The following COL4A6 variants were observed in gnomAD, a reference collection of about 807,000 sequenced individuals.
The protein encoded by COL4A6 is collagen type IV alpha 6 chain, also known as collagen alpha-6(IV) chain.
Under a neutral mutation model 126.7 loss-of-function variants are expected in COL4A6, and 59 were observed. The ratio of observed to expected loss-of-function variants is 0.47; its 90% CI spans 0.38 to 0.58. COL4A6 has a LOEUF of 0.58. Among genes scored for constraint, COL4A6 ranks in the 20% least tolerant of loss-of-function variants. The pLI is 0.00. For missense variants in COL4A6, 1,285 were observed against 1,337.3 expected, an observed-to-expected ratio of 0.96 and a Z score of 0.61; for synonymous variants, 547 against 496.6, an observed-to-expected ratio of 1.10 and a Z score of -1.35.
At chrX:108,339,567 CCT>C (rs1364784119) in intron 2 of COL4A6, among the ~76,000 whole-genome samples, 1 of 111,323 alleles carries the variant, frequency 9.0e-6, no homozygotes, top group Non-Finnish European at 1.9e-5. Flanking sequence ...TACAGATAAC[CCT>C]CTCTTAAACA....
At chrX:108,228,744 G>C (rs1334707283) in intron 3 of COL4A6, among the ~76,000 whole-genome samples, 1 of 112,137 alleles carries the variant, frequency 8.9e-6, no homozygotes, top group Non-Finnish European at 1.9e-5. Context: ...ACAGCATGGA[G>C]GTAACCAGCC....
intron 2 of COL4A6, among the ~76,000 whole-genome samples, chrX:108,372,025 C>T (rs1439262743): frequency 9.0e-6 from 1 of 111,172 alleles, no homozygotes; most frequent in Admixed American, 9.6e-5. Flanking sequence ...GCTTCCCCTG[C>T]ACAGACTTAA....
Position 108,170,021 on chromosome X carries a change from G to A in COL4A6, c.3494-5C>T, listed in dbSNP as rs1346039500. The A allele has an allele frequency of 3.4e-6, 4 of 1,176,572 alleles. No individual in the cohort carries two copies. The African/African-American group carries it at 7.1e-5, about 21-fold the overall frequency. ...AACCAGGAAATCCAGGGAAGCCTGA[G>A]GGGAGAGAATGTCAAAAATGGCTCC... On this transcript the variant is annotated splice_polypyrimidine_tract_variant and splice_region_variant and intron_variant, in intron 35 of 44. Coordinates refer to ENST00000334504, the MANE Select transcript of COL4A6 (RefSeq NM_033641.4).
intron 3 of COL4A6, among the ~76,000 whole-genome samples, chrX:108,307,268 ATTCTC>A (rs1265487759): frequency 1.8e-5 from 2 of 111,938 alleles, no homozygotes; most frequent in African/African-American, 6.5e-5. Context: ...AAAGATTGCC[ATTCTC>A]TTAAAGTTGG....
intron 3 of COL4A6, among the ~76,000 whole-genome samples, chrX:108,298,734 G>C (rs1243681583): frequency 9.2e-6 from 1 of 109,253 alleles, no homozygotes; most frequent in Non-Finnish European, 1.9e-5. Context: ...TGTAAATGCA[G>C]GGAGGGGGCA....
chrX:108,244,111 ATTTT>A (rs34464429), intron 3 of COL4A6, among the ~76,000 whole-genome samples: 1 of 89,103 alleles, frequency 1.1e-5, no homozygotes, highest in African/African-American at 4.0e-5. Context: ...ATGTTCACCA[ATTTT>A]TTTTTTTTTT....
At chrX:108,305,370 T>C (rs1210500105) in intron 3 of COL4A6, among the ~76,000 whole-genome samples, 4 of 112,039 alleles carry the variant, frequency 3.6e-5, no homozygotes, top group Non-Finnish European at 5.6e-5. Context: ...GGAGGGTTCC[T>C]AATAATGAGA....
At chrX:108,175,444 T>G (rs910331902) in intron 29 of COL4A6, among the ~76,000 whole-genome samples, 7 of 111,846 alleles carry the variant, frequency 6.3e-5, no homozygotes, top group Non-Finnish European at 9.4e-5. Flanking sequence ...TCCACTGGTC[T>G]TCCGGGAATG....
At chrX:108,237,610 A>G (rs908128272) in intron 3 of COL4A6, among the ~76,000 whole-genome samples, 3 of 111,738 alleles carry the variant, frequency 2.7e-5, no homozygotes, top group Non-Finnish European at 5.6e-5. Context: ...CCCTTCCAAA[A>G]TCACTTAAAA....
upstream of COL4A6, chrX:108,439,315 T>G (rs373775383): frequency 2.5e-5 from 16 of 647,456 alleles, no homozygotes; most frequent in African/African-American, 3.7e-4. Flanking sequence ...TATACGTATA[T>G]AACACACATA....
chrX:108,171,595 G>A lies in COL4A6; in HGVS notation c.3203-134C>T, dbSNP rs919589328. ...GAGCTCCTTGACAAAATTATCTATT[G>A]GGTAAAAAGTGATGAACCACCATCC... On this transcript the variant is annotated intron_variant, in intron 32 of 44. Transcript: ENST00000334504. 6 of 498,484 alleles carry A rather than the reference G, an allele frequency of 1.2e-5. No individual in the cohort carries two copies. In the African/African-American group the frequency reaches 1.4e-4, roughly 12 times the overall value. The allele number at this position is 498,484 out of a possible 1,213,427, so 41.1% of individuals were successfully genotyped here.
At chrX:108,324,599 T>C (rs1603091224) in intron 2 of COL4A6, among the ~76,000 whole-genome samples, 1 of 112,046 alleles carries the variant, frequency 8.9e-6, no homozygotes, top group African/African-American at 3.2e-5. Flanking sequence ...TATGAGTATG[T>C]CCCAAATTAG....
chrX:108,178,455 G>A (rs1490282079), intron 27 of COL4A6, among the ~76,000 whole-genome samples: 1 of 112,581 alleles, frequency 8.9e-6, no homozygotes, highest in African/African-American at 3.2e-5. Flanking sequence ...TGGAGGAGGC[G>A]GGGGGAGGGG....
intron 3 of COL4A6, among the ~76,000 whole-genome samples, chrX:108,229,024 G>A (rs2036240377): frequency 8.9e-6 from 1 of 112,279 alleles, no homozygotes; most frequent in African/African-American, 3.2e-5. Context: ...GGGAATCAGC[G>A]AATTCTGTAA....
At chrX:108,228,957 A>G (rs2036238577) in intron 3 of COL4A6, among the ~76,000 whole-genome samples, 1 of 112,505 alleles carries the variant, frequency 8.9e-6, no homozygotes, top group South Asian at 3.7e-4. Flanking sequence ...AGGGGCAAAG[A>G]AAGACCCAAC....
In COL4A6 at chrX:108,310,751, C is replaced by T. The variant is rs2038741608; in HGVS notation, c.141G>A (p.Ala47=). Residue 47 remains alanine (A), a synonymous_variant, in exon 3 of 45, where the codon GCG becomes GCA. Transcript: ENST00000334504. ...GSCQCFPEKG[A]RGRPGPIGIQ... ...AACAATGAAATAAGCAACTTACTCTCGCTCCTTTCTCAGGAAAACACTGAC... is the reference window on the plus strand; with the variant it reads ...AACAATGAAATAAGCAACTTACTCTTGCTCCTTTCTCAGGAAAACACTGAC... The T allele has an allele frequency of 5.8e-6, 7 of 1,207,409 alleles. No homozygotes were observed. Among genetic ancestry groups the T allele is most frequent in the Non-Finnish European group, 7.8e-6 (7 of 891,948 alleles).
chrX:108,234,773 T>TAGAGAGTAGA (rs1281277722), intron 3 of COL4A6, among the ~76,000 whole-genome samples: 1 of 111,789 alleles, frequency 8.9e-6, no homozygotes, highest in Non-Finnish European at 1.9e-5. Flanking sequence ...TCTTCCAAAC[T>TAGAGAGTAGA]AGAGAGTAGA....
At chrX:108,181,804 G>A (rs1042161150) in intron 23 of COL4A6, among the ~76,000 whole-genome samples, 7 of 111,578 alleles carry the variant, frequency 6.3e-5, no homozygotes, top group African/African-American at 2.0e-4. Context: ...AATTGTTTGC[G>A]GGCTCCCTCA....
intron 2 of COL4A6, among the ~76,000 whole-genome samples, chrX:108,432,297 A>T (rs956234588): frequency 2.6e-4 from 29 of 112,497 alleles, no homozygotes; most frequent in African/African-American, 9.0e-4. Context: ...AAAACTATGT[A>T]TGTTATTATT....
Sources: gnomAD v4.1 joint callset for allele counts (sites outside exome capture counted in the v4.1 genomes callset) on GRCh38, gnomAD v4.1.1 for gene constraint, MANE v1.5 for transcripts, NCBI Gene and HGNC (gene_info 2026-07-23, HGNC 2026-07-21) for gene names.